PRR16: variants seen among roughly 807,000 people sequenced by gnomAD.
The protein encoded by PRR16 is protein Largen.
PRR16 carries 6 observed loss-of-function variants against 18.2 expected under a neutral mutation model. The ratio of observed to expected loss-of-function variants is 0.33; its 90% CI spans 0.18 to 0.65. The LOEUF is 0.65. Among genes scored for constraint, PRR16 ranks in the 30% least tolerant of loss-of-function variants. PRR16 has a pLI of 0.74. For synonymous variants in PRR16, 151 were observed against 147.8 expected (o/e 1.02, Z -0.16); for missense variants, 412 against 376.6 (o/e 1.09, Z -0.78).
At chr5:120,494,476 A>T (rs766492203) in intron 1 of PRR16, among the ~76,000 whole-genome samples, 1 of 151,756 alleles carries the variant, frequency 6.6e-6, no homozygotes, top group Non-Finnish European at 1.5e-5. Flanking sequence ...TCTTTTTGCT[A>T]TTGAATTTTG....
chr5:120,649,167 T>C (rs1056215089), intron 1 of PRR16, among the ~76,000 whole-genome samples: 12 of 152,164 alleles, frequency 7.9e-5, no homozygotes, highest in Admixed American at 2.6e-4. Flanking sequence ...TTAAGTCATG[T>C]TGGAAATAAA....
intron 1 of PRR16, among the ~76,000 whole-genome samples, chr5:120,475,847 C>T (rs992983686): frequency 4.0e-5 from 6 of 151,834 alleles, no homozygotes; most frequent in South Asian, 2.1e-4. Context: ...TAGCCCCTGC[C>T]GTCTTGGAAC....
chr5:120,737,017 A>G, the PRR16 span, among the ~76,000 whole-genome samples: 1 of 152,230 alleles, frequency 6.6e-6, no homozygotes, highest in African/African-American at 2.4e-5. Context: ...AGAGTGTTCT[A>G]CACAGAAGGT....
intron 1 of PRR16, among the ~76,000 whole-genome samples, chr5:120,680,687 A>G (rs1756943206): frequency 6.6e-6 from 1 of 152,152 alleles, no homozygotes; most frequent in African/African-American, 2.4e-5. Flanking sequence ...AATTATAGAT[A>G]TCATCACCAA....
chr5:120,736,913 C>T, the PRR16 span, among the ~76,000 whole-genome samples: 1 of 151,174 alleles, frequency 6.6e-6, no homozygotes, highest in African/African-American at 2.4e-5. Context: ...ACAGAAACAA[C>T]TAATTTTTGT....
the PRR16 span, among the ~76,000 whole-genome samples, chr5:120,750,691 C>A: frequency 1.3e-5 from 2 of 151,900 alleles, no homozygotes; most frequent in African/African-American, 2.4e-5. Flanking sequence ...TGGATACATA[C>A]ATATGTGCAT....
chr5:120,630,713 T>C (rs1490083520), intron 1 of PRR16, among the ~76,000 whole-genome samples: 1 of 152,310 alleles, frequency 6.6e-6, no homozygotes, highest in African/African-American at 2.4e-5. Flanking sequence ...GAGATATCTC[T>C]ACTTCCTCAT....
At chr5:120,772,735 G>C in the PRR16 span, among the ~76,000 whole-genome samples, 1 of 152,044 alleles carries the variant, frequency 6.6e-6, no homozygotes, top group Non-Finnish European at 1.5e-5. Context: ...AATTTGTTAA[G>C]TTCACATCAG....
At chr5:120,524,379 T>A (rs1751284074) in intron 1 of PRR16, among the ~76,000 whole-genome samples, 2 of 152,180 alleles carry the variant, frequency 1.3e-5, no homozygotes, top group African/African-American at 4.8e-5. Context: ...ACATATCTAA[T>A]GTACAAGCTA....
the PRR16 span, among the ~76,000 whole-genome samples, chr5:120,728,540 T>A: frequency 0.2 from 30,979 of 152,062 alleles, 3,862 homozygotes; most frequent in Non-Finnish European, 0.27. Flanking sequence ...ATGGTATCCT[T>A]ATTTTAGCAA....
At chr5:120,507,721 A>G (rs1750691945) in intron 1 of PRR16, among the ~76,000 whole-genome samples, 1 of 152,072 alleles carries the variant, frequency 6.6e-6, no homozygotes, top group African/African-American at 2.4e-5. Flanking sequence ...TGCTAAGGAA[A>G]AGGCACGCTA....
chr5:120,700,684 C>T, the PRR16 span, among the ~76,000 whole-genome samples: 1 of 151,994 alleles, frequency 6.6e-6, no homozygotes, highest in African/African-American at 2.4e-5. Flanking sequence ...ATACCCACAA[C>T]AGTTATGGAG....
the PRR16 span, among the ~76,000 whole-genome samples, chr5:120,761,223 A>ATT: frequency 6.6e-6 from 1 of 151,890 alleles, no homozygotes; most frequent in Non-Finnish European, 1.5e-5. Context: ...TATCTTCTGT[A>ATT]TTTCTTCTAG....
chr5:120,637,317 GAAAAAAAAAAA>G (rs372136712), intron 1 of PRR16, among the ~76,000 whole-genome samples: 4 of 62,636 alleles, frequency 6.4e-5, no homozygotes, highest in Non-Finnish European at 8.1e-5. Flanking sequence ...CCATTATACG[GAAAAAAAAAAA>G]AAAAAAAAAA....
the PRR16 span, among the ~76,000 whole-genome samples, chr5:120,736,516 C>T: frequency 4.0e-4 from 58 of 144,630 alleles, no homozygotes; most frequent in Non-Finnish European, 4.7e-4. Flanking sequence ...CCGCCCTCCT[C>T]GGCCTCCCAA....
the PRR16 span, among the ~76,000 whole-genome samples, chr5:120,702,790 G>A: frequency 4.6e-5 from 7 of 152,148 alleles, no homozygotes; most frequent in Non-Finnish European, 1.0e-4. Context: ...GGTTGGAGAA[G>A]AGAGTAAGAA....
chr5:120,731,631 G>C, the PRR16 span, among the ~76,000 whole-genome samples: 1 of 152,146 alleles, frequency 6.6e-6, no homozygotes, highest in Non-Finnish European at 1.5e-5. Context: ...GACAGAAAAT[G>C]CAAGGGGCAT....
At chr5:120,524,803 A>G (rs959500916) in intron 1 of PRR16, among the ~76,000 whole-genome samples, 11 of 152,112 alleles carry the variant, frequency 7.2e-5, no homozygotes, top group Admixed American at 2.0e-4. Context: ...CCCTATAAAT[A>G]TATACACCTA....
At chr5:120,637,317 G>GAA (rs372136712) in intron 1 of PRR16, among the ~76,000 whole-genome samples, 19,086 of 62,690 alleles carry the variant, frequency 0.3, 5,103 homozygotes, top group Non-Finnish European at 0.36. Flanking sequence ...CCATTATACG[G>GAA]AAAAAAAAAA....
Sources: allele counts gnomAD v4.1 joint callset (sites outside exome capture counted in the v4.1 genomes callset), GRCh38; gene constraint gnomAD v4.1.1; transcripts MANE v1.5; gene names NCBI Gene and HGNC (gene_info 2026-07-23, HGNC 2026-07-21).